The following RIC8B variants were observed in gnomAD, a reference collection of about 807,000 sequenced individuals.
The protein encoded by RIC8B is chaperone Ric-8B.
In RIC8B, 16 loss-of-function variants were observed where a neutral mutation model predicts 57.5. The ratio of observed to expected loss-of-function variants is 0.28; its 90% confidence interval spans 0.19 to 0.42. The LOEUF is 0.42. RIC8B is among the 10% of genes least tolerant of loss of function. The pLI, the probability that RIC8B is intolerant of heterozygous loss-of-function variation, is 1.00. For synonymous variants in RIC8B, 216 were observed against 250.8 expected (o/e 0.86, Z 1.31); for missense variants, 481 against 677.0 (o/e 0.71, Z 3.21).
At chr12:106,803,941 T>A (rs2044872775) in intron 2 of RIC8B, among the ~76,000 whole-genome samples, 1 of 152,210 alleles carries the variant, frequency 6.6e-6, no homozygotes, top group African/African-American at 2.4e-5. Context: ...AGGAGTATTA[T>A]CCCCGTTTTA....
At chr12:106,818,540 A>C (rs1375690426) in intron 3 of RIC8B, among the ~76,000 whole-genome samples, 1 of 152,136 alleles carries the variant, frequency 6.6e-6, no homozygotes, top group African/African-American at 2.4e-5. Context: ...AGCTCACTGC[A>C]GCTTCGAACT....
At chr12:106,868,660 A>G (rs1349771648) in intron 8 of RIC8B, among the ~76,000 whole-genome samples, 1 of 151,972 alleles carries the variant, frequency 6.6e-6, no homozygotes, top group Non-Finnish European at 1.5e-5. Context: ...TGACCCATTC[A>G]GCATTTTTGT....
intron 1 of RIC8B, 146 bp downstream of exon 1, chr12:106,774,975 G>C: frequency 1.6e-6 from 1 of 634,044 alleles, no homozygotes; most frequent in Non-Finnish European, 2.8e-6. Context: ...ATGCGTGTTT[G>C]TGCCCCCAGC....
chr12:106,815,351 T>G, intron 3 of RIC8B, 47 bp downstream of exon 3: 1 of 1,534,760 alleles, frequency 6.5e-7, no homozygotes. Context: ...TTAATTGGTC[T>G]GGGACATCCC....
intron 6 of RIC8B, among the ~76,000 whole-genome samples, chr12:106,846,676 A>G (rs1949201439): frequency 6.6e-6 from 1 of 151,202 alleles, no homozygotes; most frequent in African/African-American, 2.4e-5. Flanking sequence ...CAAGGGATCC[A>G]GGTACACCTA....
Position 106,836,536 on chromosome 12 carries a change from T to A in RIC8B, c.837-6053T>A, listed in dbSNP as rs1215905354. ...GTTTATGGCACCTCCAGCTTTTCAC[T>A]TGCTAAGGCTAGAACTTTAGATTCT... On this transcript the variant is annotated intron_variant, in intron 4 of 9. Coordinates refer to ENST00000392837, the MANE Select transcript of RIC8B (RefSeq NM_001330145.2). 2.0e-5 allele frequency among the ~76,000 whole-genome samples: 3 copies of A among 152,216 alleles called. No homozygotes were observed. In the East Asian group the frequency reaches 5.8e-4, roughly 29 times the overall value.
intron 2 of RIC8B, among the ~76,000 whole-genome samples, chr12:106,814,090 C>A (rs369332740): frequency 1.6e-4 from 25 of 152,300 alleles, no homozygotes; most frequent in East Asian, 1.5e-3. Context: ...ACAGTCTGAG[C>A]TTTCCAAGCT....
chr12:106,874,683 T>A (rs984871562), intron 9 of RIC8B: 1 of 744,248 alleles, frequency 1.3e-6, no homozygotes, highest in African/African-American at 1.7e-5. Context: ...TTTGCCTCCA[T>A]GCTGGACATA....
chr12:106,785,162 C>T (rs897849234), intron 2 of RIC8B, among the ~76,000 whole-genome samples: 3 of 152,188 alleles, frequency 2.0e-5, no homozygotes, highest in Non-Finnish European at 2.9e-5. Context: ...TGCCTACTTT[C>T]GCAGCTTATT....
chr12:106,856,646 C>G (rs1229646011), intron 7 of RIC8B, among the ~76,000 whole-genome samples: 1 of 152,150 alleles, frequency 6.6e-6, no homozygotes, highest in Non-Finnish European at 1.5e-5. Context: ...GTTGTTAATA[C>G]TTTTGACATT....
chr12:106,833,197 A>G (rs957001939), intron 4 of RIC8B, among the ~76,000 whole-genome samples: 12 of 152,214 alleles, frequency 7.9e-5, no homozygotes, highest in African/African-American at 2.4e-4. Context: ...TTATATATAT[A>G]TGCTGCTAAA....
rs574629592 is a variant in RIC8B at position 106,802,157 on chromosome 12, T to C, written c.133-12539T>C. Among the ~76,000 whole-genome samples the C allele has an allele frequency of 2.0e-5, 3 of 152,352 alleles. No homozygotes were observed. The South Asian group carries it at 6.2e-4, about 32-fold the overall frequency. On this transcript the variant is annotated intron_variant, in intron 2 of 9. Transcript: ENST00000392837. Reference sequence around the variant, plus strand: ...ATCTCATTTTTTATCTTAACATTCATGTAAGTTATGTATTGTGATTTGTAA... The same window carrying C: ...ATCTCATTTTTTATCTTAACATTCACGTAAGTTATGTATTGTGATTTGTAA...
intron 1 of RIC8B, among the ~76,000 whole-genome samples, chr12:106,781,538 C>A (rs533700032): frequency 6.6e-6 from 1 of 152,304 alleles, no homozygotes; most frequent in East Asian, 1.9e-4. Context: ...TAGATTGGCG[C>A]ATTCCAGATT....
chr12:106,833,627 T>C (rs972320986), intron 4 of RIC8B, among the ~76,000 whole-genome samples: 2 of 152,070 alleles, frequency 1.3e-5, no homozygotes, highest in African/African-American at 2.4e-5. Flanking sequence ...AATTATCAAA[T>C]AGCAGAAGTT....
At chr12:106,860,875 C>G (rs1278151164) in intron 8 of RIC8B, among the ~76,000 whole-genome samples, 1 of 152,004 alleles carries the variant, frequency 6.6e-6, no homozygotes, top group African/African-American at 2.4e-5. Context: ...ACATTAATAT[C>G]AAAAGAGAAG....
chr12:106,841,928 C>T (rs887550416), intron 4 of RIC8B, among the ~76,000 whole-genome samples: 3 of 152,064 alleles, frequency 2.0e-5, no homozygotes, highest in South Asian at 4.1e-4. Flanking sequence ...ATCCCAGTCT[C>T]GTGTATTCAT....
chr12:106,873,137 T>C (rs922414395), intron 9 of RIC8B: 4 of 985,318 alleles, frequency 4.1e-6, no homozygotes, highest in Non-Finnish European at 4.8e-6. Context: ...AGAAGATGCC[T>C]ACTTATCCGG....
rs1421576651 is a variant in RIC8B, at chr12:106,883,489, T to TC, written c.1572-2411dup. 2.0e-4 allele frequency among the ~76,000 whole-genome samples: 30 copies of TC among 152,150 alleles called. No homozygotes were observed. The East Asian group carries it at 3.3e-3, about 17-fold the overall frequency. On this transcript the variant is annotated intron_variant, in intron 9 of 9. Transcript: ENST00000392837. ...TCAAGTCCTAAAATATATCAGAATC[T>TC]CCCCACCAAATCTCCATCTCCTATG... is the stretch of plus-strand genomic sequence containing the variant.
At position 106,814,699 on chromosome 12, in the gene RIC8B, C is replaced by T. The variant is rs573207760; in HGVS notation, c.136C>T (p.Leu46Phe). The T allele has an allele frequency of 1.3e-6, 2 of 1,579,732 alleles. No individual in the cohort carries two copies. Among genetic ancestry groups the T allele is most frequent in the African/African-American group, 1.4e-5 (1 of 73,340 alleles). The change falls in exon 3 of 10, where the codon CTC (leucine) becomes TTC (phenylalanine). Residue 46 changes from leucine (L) to phenylalanine (F), a missense_variant. Leu to Phe is a conservative substitution (Grantham distance 22). Transcript: ENST00000392837. ...CATACTCGTTCTTGTTTTTCAGAAA[C>T]TCTGTGAAGGCATATTTAAAGTCCT... ...ESTDEDKRKKLCEGIFKVLIK... is the reference protein window; with the variant it reads ...ESTDEDKRKKFCEGIFKVLIK...
Sources: allele counts gnomAD v4.1 joint callset (sites outside exome capture counted in the v4.1 genomes callset), GRCh38; gene constraint gnomAD v4.1.1; transcripts MANE v1.5; gene names NCBI Gene and HGNC (gene_info 2026-07-23, HGNC 2026-07-21).